Variants in LYRM4 observed in about 807,000 individuals in gnomAD.
The protein encoded by LYRM4 is LYR motif-containing protein 4.
LYRM4 carries 9 observed loss-of-function variants against 11.7 expected under a neutral mutation model. The ratio of observed to expected loss-of-function variants is 0.77; its 90% CI spans 0.46 to 1.34. The LOEUF (loss-of-function observed/expected upper bound fraction) is 1.34, where lower values mean the gene tolerates loss of function less well. Ranked by LOEUF, LYRM4 falls within the 40% of genes most tolerant of loss-of-function variation. The probability of loss-of-function intolerance (pLI) is 0.00; values close to 1 mark genes in which losing one functional copy is unlikely to be tolerated. For synonymous variants in LYRM4, 42 were observed against 40.4 expected (o/e 1.04, Z -0.15); for missense variants, 133 against 112.5 (o/e 1.18, Z -0.82).
At chr6:5,068,621 G>A in the LYRM4 span, among the ~76,000 whole-genome samples, 3 of 152,148 alleles carry the variant, frequency 2.0e-5, no homozygotes, top group African/African-American at 7.2e-5. The surrounding 1 kb of genome is among the most constrained non-coding windows in gnomAD (Gnocchi z 4.0). Flanking sequence ...TGCTGTCTCT[G>A]TTGCAGACCC....
At chr6:5,249,942 A>G (rs1457287324) in intron 1 of LYRM4, among the ~76,000 whole-genome samples, 3 of 152,200 alleles carry the variant, frequency 2.0e-5, no homozygotes, top group Non-Finnish European at 2.9e-5. Context: ...TATTGACATG[A>G]GTCATTAAGA....
chr6:5,182,555 T>C (rs937073106), intron 2 of LYRM4, among the ~76,000 whole-genome samples: 6 of 152,252 alleles, frequency 3.9e-5, no homozygotes, highest in African/African-American at 1.2e-4. Context: ...ATAAGCCCTC[T>C]AGATATTGAA....
chr6:5,047,855 G>A, the LYRM4 span, among the ~76,000 whole-genome samples: 2 of 152,196 alleles, frequency 1.3e-5, no homozygotes, highest in Non-Finnish European at 2.9e-5. Flanking sequence ...AGTAGAAAGA[G>A]TTCTGGGTAG....
At chr6:5,257,683 A>G (rs1252944906) in intron 1 of LYRM4, among the ~76,000 whole-genome samples, 4 of 152,208 alleles carry the variant, frequency 2.6e-5, no homozygotes, top group Non-Finnish European at 5.9e-5. Flanking sequence ...TGAACTGTGC[A>G]TGTGAGTGAT....
chr6:5,076,397 C>T, the LYRM4 span, among the ~76,000 whole-genome samples: 11 of 152,186 alleles, frequency 7.2e-5, no homozygotes, highest in African/African-American at 2.4e-4. Flanking sequence ...TGAGCCAAAT[C>T]CTGGCTTTGT....
At chr6:5,069,370 TAA>T in the LYRM4 span, among the ~76,000 whole-genome samples, 3 of 148,876 alleles carry the variant, frequency 2.0e-5, no homozygotes, top group African/African-American at 7.4e-5. Context: ...CATGTTAACA[TAA>T]AAAAAAAACT....
chr6:5,150,507 G>C (rs1415318424), intron 2 of LYRM4, among the ~76,000 whole-genome samples: 1 of 152,128 alleles, frequency 6.6e-6, no homozygotes, highest in Admixed American at 6.5e-5. Context: ...AGGGAGGTGA[G>C]GTCTGAGGTA....
At chr6:5,203,803 G>A (rs1403878841) in intron 2 of LYRM4, among the ~76,000 whole-genome samples, 1 of 152,222 alleles carries the variant, frequency 6.6e-6, no homozygotes, top group Non-Finnish European at 1.5e-5. Context: ...GAGAGCAGAA[G>A]CACATGAAAG....
intron 2 of LYRM4, among the ~76,000 whole-genome samples, chr6:5,118,100 GT>G (rs1207733403): frequency 0.37 from 33,910 of 90,922 alleles, 4,837 homozygotes; most frequent in East Asian, 0.66. Context: ...ATATATTTTT[GT>G]TTTGTTTTGT....
chr6:5,031,992 CT>C, the LYRM4 span: 2 of 152,268 alleles, frequency 1.3e-5, no homozygotes, highest in African/African-American at 4.8e-5. Context: ...TTTCAACTTT[CT>C]TTTCCTACTT....
intron 2 of LYRM4, among the ~76,000 whole-genome samples, chr6:5,206,866 T>C (rs1761726302): frequency 3.2e-4 from 1 of 3,098 alleles, no homozygotes; most frequent in East Asian, 0.083. Flanking sequence ...TATTCATAAC[T>C]GACCAATCCA....
intron 2 of LYRM4, among the ~76,000 whole-genome samples, chr6:5,199,615 A>G (rs72811697): frequency 5.9e-3 from 894 of 152,348 alleles, no homozygotes; most frequent in Non-Finnish European, 8.4e-3. Context: ...TGAAACTGTC[A>G]CAGAGATTTC....
At chr6:5,202,498 G>A (rs891989956) in intron 2 of LYRM4, among the ~76,000 whole-genome samples, 7 of 152,164 alleles carry the variant, frequency 4.6e-5, no homozygotes, top group African/African-American at 1.7e-4. Flanking sequence ...CCAAGAGGCT[G>A]CAAAAGGATG....
rs963254806 is a variant in LYRM4 at position 5,108,834 on chromosome 6, G to A, written c.*589C>T. On this transcript the variant is annotated 3_prime_UTR_variant, in exon 3 of 3. Coordinates refer to ENST00000330636, the MANE Select transcript of LYRM4 (RefSeq NM_020408.6). ...TCTCTGGGTGTGTACCTACACACCC[G>A]TCACCTTTGTTGTACTGGGCTCAGG... The A allele has an allele frequency of 1.9e-5, 19 of 986,142 alleles. No homozygotes were observed. The highest frequency in any genetic ancestry group is 4.7e-5 in the South Asian group (1 of 21,312). The allele number at this position is 986,142 out of a possible 1,614,324, so 61.1% of individuals were successfully genotyped here. A position where few individuals can be genotyped will look rare whatever the true frequency, so the allele number is the denominator to read the frequency against.
chr6:5,162,278 G>T (rs1394520232), intron 2 of LYRM4, among the ~76,000 whole-genome samples: 1 of 152,156 alleles, frequency 6.6e-6, no homozygotes, highest in Admixed American at 6.5e-5. Context: ...CTTGGTCTTT[G>T]TGTCAATTTT....
At chr6:5,044,492 C>G in the LYRM4 span, among the ~76,000 whole-genome samples, 1 of 152,322 alleles carries the variant, frequency 6.6e-6, no homozygotes, top group East Asian at 1.9e-4. Flanking sequence ...GTGCCAGGGT[C>G]CAGCTTCAGG....
chr6:5,080,116 A>G, the LYRM4 span, among the ~76,000 whole-genome samples: 1 of 152,210 alleles, frequency 6.6e-6, no homozygotes, highest in African/African-American at 2.4e-5. Flanking sequence ...TGGGTATTCT[A>G]TGACATCTCA....
At chr6:5,175,727 C>T (rs1228904427) in intron 2 of LYRM4, among the ~76,000 whole-genome samples, 1 of 152,144 alleles carries the variant, frequency 6.6e-6, no homozygotes, top group Non-Finnish European at 1.5e-5. Context: ...AGAAATGAAA[C>T]TACATATTTC....
At chr6:5,111,833 C>T (rs959888827) in intron 2 of LYRM4, among the ~76,000 whole-genome samples, 3 of 152,186 alleles carry the variant, frequency 2.0e-5, no homozygotes, top group African/African-American at 2.4e-5. Context: ...CACTTCCTCT[C>T]GTCTCAGTTC....
Sources: gnomAD v4.1 joint callset for allele counts (sites outside exome capture counted in the v4.1 genomes callset) on GRCh38, gnomAD v4.1.1 for gene constraint, Gnocchi (gnomAD v3.1) non-coding constraint, MANE v1.5 for transcripts, NCBI Gene and HGNC (gene_info 2026-07-23, HGNC 2026-07-21) for gene names.